Variants in PIM3 observed in about 807,000 individuals in gnomAD.
PIM3 encodes the protein serine/threonine-protein kinase pim-3.
A neutral mutation model predicts 27.5 loss-of-function variants in PIM3; 13 were observed. The ratio of observed to expected loss-of-function variants is 0.47; its 90% confidence interval spans 0.31 to 0.75. The LOEUF is 0.75. PIM3 is among the 30% of genes least tolerant of loss of function. The pLI is 0.05. For missense variants in PIM3, 482 were observed against 476.9 expected, an observed-to-expected ratio of 1.01 and a Z score of -0.10; for synonymous variants, 341 against 221.1, an observed-to-expected ratio of 1.54 and a Z score of -4.81.
Position 49,963,777 on chromosome 22 carries a change from C to G in PIM3, c.*650C>G, listed in dbSNP as rs1038576713. ...TGCCTGGCGTCTGTCCCGGCCCCGC[C>G]TGTCAGAAGATGAACATGTATAGTG... On this transcript the variant is annotated 3_prime_UTR_variant, in exon 6 of 6. Coordinates refer to ENST00000360612, the MANE Select transcript of PIM3 (RefSeq NM_001001852.4). The G allele has an allele frequency of 1.3e-5, 2 of 152,560 alleles. No homozygotes were observed. The highest frequency in any genetic ancestry group is 3.4e-3 in the Middle Eastern group (1 of 292). The allele number at this position is 152,560 out of a possible 1,614,324, so 9.5% of individuals were successfully genotyped here. A position where few individuals can be genotyped will look rare whatever the true frequency, so the allele number is the denominator to read the frequency against.
intron 4 of PIM3, among the ~76,000 whole-genome samples, 163 bp downstream of exon 4, chr22:49,961,974 G>T (rs539726016): frequency 6.6e-5 from 10 of 152,238 alleles, no homozygotes; most frequent in African/African-American, 2.4e-4. Context: ...GGAGGGCTGA[G>T]CGAGGGATCA....
chr22:49,961,874 G>C, intron 4 of PIM3, 63 bp downstream of exon 4: 2 of 1,588,236 alleles, frequency 1.3e-6, no homozygotes. Flanking sequence ...ACGCCTGCAG[G>C]GGCGGCACAT....
Position 49,963,447 on chromosome 22 carries a change from G to A in PIM3, c.*320G>A. 1 of 282,106 alleles carries A rather than the reference G, an allele frequency of 3.5e-6. No individual in the cohort carries two copies. The highest frequency in any genetic ancestry group is 4.7e-5 in the South Asian group (1 of 21,502). 17.5% of individuals were successfully genotyped at this position (282,106 alleles called of 1,614,324 possible). On this transcript the variant is annotated 3_prime_UTR_variant, in exon 6 of 6. Coordinates refer to ENST00000360612, the MANE Select transcript of PIM3 (RefSeq NM_001001852.4). ...TGCCCACCCGGAGCTCTTTCCGCCG[G>A]CGCAGGGTCCCAAGCCCACCTCCCG...
chr22:49,961,859 G>A (rs754085552), intron 4 of PIM3, 48 bp downstream of exon 4: 2 of 1,600,692 alleles, frequency 1.2e-6, no homozygotes, highest in Admixed American at 3.4e-5. Flanking sequence ...CTTGCCGGCG[G>A]GTTAACGCCT....
chr22:49,961,456 G>T lies in PIM3; in HGVS notation c.261G>T (p.Val87=), dbSNP rs1601870000. 2.8e-6 allele frequency: 4 copies of T among 1,443,948 alleles called. No homozygotes were observed. Among genetic ancestry groups the T allele is most frequent in the East Asian group, 5.9e-5 (2 of 33,668 alleles). 89.4% of individuals were successfully genotyped at this position (1,443,948 alleles called of 1,614,324 possible). Residue 87 remains valine (V), a synonymous_variant, in exon 4 of 6, where the codon GTG becomes GTT. Transcript: ENST00000360612. ...GTGTCCCCCAGGGCGGCGCGACCGTGCCCCTGGAGGTGGTGCTGCTGCGCA... is the reference window on the plus strand; with the variant it reads ...GTGTCCCCCAGGGCGGCGCGACCGTTCCCCTGGAGGTGGTGCTGCTGCGCA... ...TEWGSLGGAT[V]PLEVVLLRKV...
chr22:49,962,862 C>G lies in PIM3; in HGVS notation c.790C>G (p.Pro264Ala). 1.2e-6 allele frequency: 2 copies of G among 1,608,790 alleles called. No homozygotes were observed. The highest frequency in any genetic ancestry group is 4.5e-5 in the East Asian group (2 of 44,870). ...GRLLFRRRVS[P>A]ECQQLIRWCL... ...CCTGCTCTTCCGGAGGAGGGTCTCT[C>G]CAGGTGCGTGGTGGCTCGAGGCGGG... Residue 264 changes from proline to alanine, a missense_variant, in exon 5 of 6, where the codon CCA (proline) becomes GCA (alanine). Physicochemically the swap from Pro to Ala is conservative, Grantham distance 27. Transcript: ENST00000360612.
intron 2 of PIM3, 33 bp from the exon 3 acceptor site, chr22:49,961,285 G>T: frequency 1.3e-6 from 2 of 1,541,294 alleles, no homozygotes; most frequent in Middle Eastern, 2.0e-4. Context: ...CTTGCGCCTC[G>T]CTTGGCCCGG....
At position 49,960,813 on chromosome 22, in the gene PIM3, C is replaced by A; in HGVS notation, c.-135C>A. ...CTGCTGCGCGTCTACGCGGTCCCCG[C>A]GGGCCTTCCGGGCCCACTGCGCCGC... On this transcript the variant is annotated 5_prime_UTR_variant, in exon 1 of 6. Coordinates refer to ENST00000360612, the MANE Select transcript of PIM3 (RefSeq NM_001001852.4). 2 of 420,002 alleles carry A rather than the reference C, an allele frequency of 4.8e-6. No individual in the cohort carries two copies. The highest frequency in any genetic ancestry group is 6.6e-6 in the Non-Finnish European group (2 of 301,946). 26.0% of individuals were successfully genotyped at this position (420,002 alleles called of 1,614,324 possible).
Position 49,963,972 on chromosome 22 carries a change from G to C in PIM3, c.*845G>C, listed in dbSNP as rs2060923902. 1 of 152,432 alleles carries C rather than the reference G, an allele frequency of 6.6e-6. No homozygotes were observed. Among genetic ancestry groups the C allele is most frequent in the Admixed American group, 6.5e-5 (1 of 15,290 alleles). The allele number at this position is 152,432 out of a possible 1,614,324, so 9.4% of individuals were successfully genotyped here. On this transcript the variant is annotated 3_prime_UTR_variant, in exon 6 of 6. Transcript: ENST00000360612. The stretch of plus-strand genomic sequence containing the variant: ...ACCTGTGTTTGTGTGAATGCGGTGT[G>C]TGCAGGCATCGCAGATGGGGGTTCT...
At chr22:49,961,924 T>A in intron 4 of PIM3, 113 bp downstream of exon 4, 1 of 1,468,498 alleles carries the variant, frequency 6.8e-7, no homozygotes, top group Non-Finnish European at 9.2e-7. Flanking sequence ...GCGCCCTGGG[T>A]CTGCTCTCGT....
In PIM3 at chr22:49,961,256, G is replaced by C. The variant is rs1601869821; in HGVS notation, c.195+22G>C. The C allele has an allele frequency of 3.9e-6, 6 of 1,536,444 alleles. No individual in the cohort carries two copies. In the East Asian group the frequency reaches 1.3e-4, roughly 34 times the overall value. On this transcript the variant is annotated intron_variant, in intron 2 of 5. Transcript: ENST00000360612. Reference sequence around the variant, plus strand: ...CCCGGTGAGTCGGACCGCCGGGCGGGCCCGGGTTTCTCGCGCGCCTTGCGC... The same window carrying C: ...CCCGGTGAGTCGGACCGCCGGGCGGCCCCGGGTTTCTCGCGCGCCTTGCGC...
In PIM3 at chr22:49,961,170, C is replaced by T; in HGVS notation, c.131C>T (p.Ala44Val). ...TTCGAGAAGGCGTACCAGGTGGGCG[C>T]CGTGCTGGGTAGCGGCGGCTTCGGC... ...ESFEKAYQVG[A>V]VLGSGGFGTV... is the part of the protein sequence containing the mutation. Residue 44 changes from alanine (A) to valine (V), a missense_variant, in exon 2 of 6, where the codon GCC becomes GTC. By Grantham distance (64) the Ala-to-Val change is moderately conservative. Coordinates refer to ENST00000360612, the MANE Select transcript of PIM3 (RefSeq NM_001001852.4). The T allele has an allele frequency of 3.3e-6, 5 of 1,535,078 alleles. No homozygotes were observed. The highest frequency in any genetic ancestry group is 4.4e-6 in the Non-Finnish European group (5 of 1,144,682).
chr22:49,962,895 G>T, intron 5 of PIM3, 30 bp downstream of exon 5: 1 of 1,598,126 alleles, frequency 6.3e-7, no homozygotes, highest in Non-Finnish European at 8.5e-7. Context: ...GGGGGTGGGG[G>T]CCTCGCCCTG....
At position 49,961,559 on chromosome 22, in the gene PIM3, G is replaced by C; in HGVS notation, c.364G>C (p.Val122Leu). Residue 122 changes from valine (V) to leucine (L), a missense_variant, in exon 4 of 6, where the codon GTG becomes CTG. Val to Leu is a conservative substitution (Grantham distance 32). Transcript: ENST00000360612. ...WFERPDGFLL[V>L]LERPEPAQDL... is the part of the protein sequence containing the mutation. ...CGAGCGGCCCGACGGCTTCCTGCTG[G>C]TGCTGGAGCGGCCCGAGCCGGCGCA... The C allele has an allele frequency of 6.5e-7, 1 of 1,546,206 alleles. No individual in the cohort carries two copies. The highest frequency in any genetic ancestry group is 8.7e-7 in the Non-Finnish European group (1 of 1,146,298).
Position 49,963,794 on chromosome 22 carries a change from T to C in PIM3, c.*667T>C, listed in dbSNP as rs1281204525. On this transcript the variant is annotated 3_prime_UTR_variant, in exon 6 of 6. Transcript: ENST00000360612. The stretch of plus-strand genomic sequence containing the variant: ...GGCCCCGCCTGTCAGAAGATGAACA[T>C]GTATAGTGGCTAACTTAAGGGGAGT... The C allele has an allele frequency of 3.9e-5, 6 of 152,416 alleles. No homozygotes were observed. Among genetic ancestry groups the C allele is most frequent in the Admixed American group, 1.3e-4 (2 of 15,280 alleles). The allele number at this position is 152,416 out of a possible 1,614,324, so 9.4% of individuals were successfully genotyped here.
chr22:49,961,552 C>T lies in PIM3; in HGVS notation c.357C>T (p.Phe119=), dbSNP rs557762874. ...ACTGGTTCGAGCGGCCCGACGGCTT[C>T]CTGCTGGTGCTGGAGCGGCCCGAGC... ...LLDWFERPDG[F]LLVLERPEPA... Residue 119 remains phenylalanine (F), a synonymous_variant, in exon 4 of 6, where the codon TTC becomes TTT. Transcript: ENST00000360612. 4.4e-5 allele frequency: 68 copies of T among 1,545,342 alleles called. 1 individual carries two copies. In the Admixed American group the frequency reaches 8.6e-4, roughly 20 times the overall value.
In PIM3 at chr22:49,963,115, C is replaced by T. The variant is rs775147504; in HGVS notation, c.969C>T (p.Ser323=). ...ACGTGGCCAGCACCACGTCCAGCAG[C>T]GAGAGCTTGTGAGGAGCTGCACCTG... ...PDDVASTTSS[S]ESL is the part of the protein sequence containing the mutation. The change falls in exon 6 of 6, where the codon AGC becomes AGT. Residue 323 remains serine, a synonymous_variant. Transcript: ENST00000360612. 3.7e-6 allele frequency: 6 copies of T among 1,603,098 alleles called. No individual in the cohort carries two copies. The South Asian group carries it at 5.6e-5, about 15-fold the overall frequency.
chr22:49,961,965 G>A (rs1006600928), intron 4 of PIM3, among the ~76,000 whole-genome samples, 154 bp downstream of exon 4: 4 of 152,096 alleles, frequency 2.6e-5, no homozygotes, highest in Non-Finnish European at 5.9e-5. Context: ...CTACCCTGGG[G>A]AGGGCTGAGC....
chr22:49,961,960 C>T (rs2060909770), intron 4 of PIM3, 149 bp downstream of exon 4: 3 of 1,236,560 alleles, frequency 2.4e-6, no homozygotes, highest in Middle Eastern at 2.8e-4. Context: ...ACGCGCTACC[C>T]TGGGGAGGGC....
Sources: gnomAD v4.1 joint callset for allele counts (sites outside exome capture counted in the v4.1 genomes callset) on GRCh38, gnomAD v4.1.1 for gene constraint, MANE v1.5 for transcripts, NCBI Gene and HGNC (gene_info 2026-07-23, HGNC 2026-07-21) for gene names.